The following DPH6 variants were observed in gnomAD, a reference collection of about 807,000 sequenced individuals.
DPH6 encodes diphthine--ammonia ligase.
In DPH6, 33 loss-of-function variants were observed where a neutral mutation model predicts 38.2. The ratio of observed to expected loss-of-function variants is 0.86; its 90% CI spans 0.65 to 1.15. The LOEUF is 1.15. Among genes scored for constraint, DPH6 ranks in the 50% most tolerant of loss-of-function variants. The probability of loss-of-function intolerance (pLI) is 0.00; values close to 1 mark genes in which losing one functional copy is unlikely to be tolerated. For missense variants in DPH6, 325 were observed against 320.0 expected (o/e 1.02, Z -0.12); for synonymous variants, 108 against 103.0 (o/e 1.05, Z -0.30).
chr15:35,516,344 CAAGT>C (rs2054847095), intron 3 of DPH6, among the ~76,000 whole-genome samples: 1 of 152,088 alleles, frequency 6.6e-6, no homozygotes, highest in South Asian at 2.1e-4. Context: ...TTTCTAGTGA[CAAGT>C]AAGTATGTAA....
At chr15:35,413,392 T>C (rs1013703371) in intron 5 of DPH6, among the ~76,000 whole-genome samples, 2 of 151,624 alleles carry the variant, frequency 1.3e-5, no homozygotes, top group African/African-American at 4.8e-5. Flanking sequence ...AAAACACCCA[T>C]TATGATTTTG....
At chr15:35,366,832 A>T (rs1480842716), downstream of DPH6, among the ~76,000 whole-genome samples, 1 of 152,004 alleles carries the variant, frequency 6.6e-6, no homozygotes, top group Admixed American at 6.6e-5. Flanking sequence ...TAATGATTAC[A>T]GTGGTACCTT....
At chr15:35,289,598 T>C (rs954599782) in intron 3 of DPH6, among the ~76,000 whole-genome samples, 12 of 152,208 alleles carry the variant, frequency 7.9e-5, no homozygotes, top group Admixed American at 2.0e-4. Context: ...AAAATTGTCA[T>C]AGGAATGAGG....
the DPH6 span, among the ~76,000 whole-genome samples, chr15:35,196,753 T>C: frequency 6.6e-6 from 1 of 152,154 alleles, no homozygotes. Context: ...AGGGTGGGGA[T>C]AGCATTGGCA....
intron 3 of DPH6, among the ~76,000 whole-genome samples, chr15:35,487,132 G>T (rs528880628): frequency 1.3e-5 from 2 of 152,328 alleles, no homozygotes; most frequent in African/African-American, 4.8e-5. Context: ...TCCTGCAGCT[G>T]CTTTCATGGG....
At chr15:35,156,950 T>C in the DPH6 span, among the ~76,000 whole-genome samples, 1,053 of 152,248 alleles carry the variant, frequency 6.9e-3, 18 homozygotes, top group African/African-American at 0.025. Flanking sequence ...TTTGAACTAA[T>C]TTTGGAGATT....
At chr15:35,543,959 G>A (rs2055303526) in intron 1 of DPH6, among the ~76,000 whole-genome samples, 1 of 152,166 alleles carries the variant, frequency 6.6e-6, no homozygotes, top group Admixed American at 6.5e-5. Context: ...TTCAAATATG[G>A]TTTTAAGCAG....
At chr15:35,221,441 G>T (rs1042057201) in intron 3 of DPH6, among the ~76,000 whole-genome samples, 11 of 152,174 alleles carry the variant, frequency 7.2e-5, no homozygotes, top group Non-Finnish European at 1.6e-4. Context: ...ACAATTCTCA[G>T]CCTGGGTCTC....
At chr15:35,455,212 T>A (rs2053981424) in intron 3 of DPH6, among the ~76,000 whole-genome samples, 1 of 152,082 alleles carries the variant, frequency 6.6e-6, no homozygotes, top group Non-Finnish European at 1.5e-5. Context: ...AATTAAGCAA[T>A]GGCATAAATA....
At chr15:35,426,257 A>G (rs2053569917) in intron 5 of DPH6, among the ~76,000 whole-genome samples, 1 of 151,776 alleles carries the variant, frequency 6.6e-6, no homozygotes, top group African/African-American at 2.4e-5. Flanking sequence ...AGGTAGAAAT[A>G]TATTCAAATC....
At chr15:35,373,415 C>A in intron 8 of DPH6, 106 bp downstream of exon 8, 1 of 952,868 alleles carries the variant, frequency 1.0e-6, no homozygotes, top group Non-Finnish European at 1.5e-6. Flanking sequence ...TGATAAAAAT[C>A]AATTTTCTTT....
At chr15:35,228,660 C>A (rs752579488) in intron 3 of DPH6, among the ~76,000 whole-genome samples, 1 of 152,120 alleles carries the variant, frequency 6.6e-6, no homozygotes, top group Non-Finnish European at 1.5e-5. Flanking sequence ...AGTTTTATAC[C>A]ATCAGATAAT....
chr15:35,308,324 A>G (rs2052110740), intron 3 of DPH6, among the ~76,000 whole-genome samples: 1 of 152,204 alleles, frequency 6.6e-6, no homozygotes, highest in South Asian at 2.1e-4. Flanking sequence ...TGGATATGTT[A>G]ATTGGCTTGA....
chr15:35,422,830 C>G (rs957645497), intron 5 of DPH6, among the ~76,000 whole-genome samples: 1 of 151,840 alleles, frequency 6.6e-6, no homozygotes, highest in South Asian at 2.1e-4. Flanking sequence ...CTTTCTGTAT[C>G]TGGTTTATTT....
chr15:35,163,357 C>G, the DPH6 span, among the ~76,000 whole-genome samples: 1 of 151,860 alleles, frequency 6.6e-6, no homozygotes, highest in South Asian at 2.1e-4. Context: ...AATCATGCAA[C>G]ATTCCCTAAA....
chr15:35,386,756 A>G (rs373089583), intron 6 of DPH6, among the ~76,000 whole-genome samples: 1 of 151,954 alleles, frequency 6.6e-6, no homozygotes, highest in African/African-American at 2.4e-5. Context: ...TTGTCAGATG[A>G]GTAGGTTGCA....
chr15:35,221,487 T>C (rs531389978), intron 3 of DPH6, among the ~76,000 whole-genome samples: 4 of 152,200 alleles, frequency 2.6e-5, no homozygotes, highest in African/African-American at 9.6e-5. Flanking sequence ...AAGGCCACCA[T>C]AGTACCAAGC....
intron 3 of DPH6, among the ~76,000 whole-genome samples, chr15:35,319,237 T>G (rs1247530205): frequency 6.6e-6 from 1 of 151,926 alleles, no homozygotes; most frequent in Non-Finnish European, 1.5e-5. Flanking sequence ...TAAAAGAAAA[T>G]TAAAAAACCC....
At chr15:35,398,064 T>A (rs1232279422) in intron 6 of DPH6, among the ~76,000 whole-genome samples, 1 of 152,148 alleles carries the variant, frequency 6.6e-6, no homozygotes, top group African/African-American at 2.4e-5. Flanking sequence ...ATACTTTCTG[T>A]GATACTGTGA....
Sources: allele counts gnomAD v4.1 joint callset (sites outside exome capture counted in the v4.1 genomes callset), GRCh38; gene constraint gnomAD v4.1.1; transcripts MANE v1.5; gene names NCBI Gene and HGNC (gene_info 2026-07-23, HGNC 2026-07-21).